The following BMPR2 variants were observed in gnomAD, a reference collection of about 807,000 sequenced individuals.
BMPR2 encodes the protein bone morphogenetic protein receptor type-2.
Under a neutral mutation model 100.8 loss-of-function variants are expected in BMPR2, and 29 were observed. That is an observed-to-expected ratio of 0.29 (90% CI 0.21 to 0.39). The LOEUF (loss-of-function observed/expected upper bound fraction) is 0.39. BMPR2 is among the 10% of genes least tolerant of loss of function. The probability of loss-of-function intolerance (pLI) is 1.00; values close to 1 mark genes in which losing one functional copy is unlikely to be tolerated. For missense variants in BMPR2, 1,011 were observed against 1,274.5 expected, an observed-to-expected ratio of 0.79 and a Z score of 3.15; for synonymous variants, 382 against 442.3, an observed-to-expected ratio of 0.86 and a Z score of 1.71.
At chr2:202,398,258 A>C (rs1411962162) in intron 1 of BMPR2, among the ~76,000 whole-genome samples, 1 of 152,188 alleles carries the variant, frequency 6.6e-6, no homozygotes, top group East Asian at 1.9e-4. Context: ...GTTCAATGAG[A>C]TATCAATTGA....
chr2:202,433,029 G>A lies in BMPR2; in HGVS notation c.77-31780G>A, dbSNP rs988182359. Among the ~76,000 whole-genome samples the A allele has an allele frequency of 3.3e-5, 5 of 150,312 alleles. 1 individual carries two copies. The highest frequency in any genetic ancestry group is 1.3e-4 in the African/African-American group (5 of 39,724). Reference sequence around the variant, plus strand: ...GAGTGTTGCCTTGCCAGATCTAGCCGTAAGCAAGTCCTATATCTAAATTAA... The same window carrying A: ...GAGTGTTGCCTTGCCAGATCTAGCCATAAGCAAGTCCTATATCTAAATTAA... On this transcript the variant is annotated intron_variant, in intron 1 of 12. Transcript: ENST00000374580.
rs551052988 is a variant in BMPR2, at chr2:202,510,291, G to A, written c.419-3428G>A. On this transcript the variant is annotated intron_variant, in intron 3 of 12. Transcript: ENST00000374580. ...AAATTAGCTGGGTGTGGTGGCGCGT[G>A]CCTGTAATCCCGCTACTTAGGAGTC... Among the ~76,000 whole-genome samples the A allele has an allele frequency of 7.9e-5, 12 of 152,294 alleles. No homozygotes were observed. In the East Asian group the frequency reaches 1.7e-3, roughly 22 times the overall value.
At chr2:202,478,885 C>G (rs972240886) in intron 3 of BMPR2, among the ~76,000 whole-genome samples, 4 of 152,076 alleles carry the variant, frequency 2.6e-5, no homozygotes, top group Admixed American at 6.6e-5. Context: ...ATGATTACAC[C>G]ACTGCACTCC....
At chr2:202,519,176 A>G (rs1291647035) in intron 6 of BMPR2, 124 bp downstream of exon 6, 9 of 944,916 alleles carry the variant, frequency 9.5e-6, no homozygotes, top group Non-Finnish European at 8.5e-6. Context: ...AGCCTCGCCA[A>G]CATGGCAAAA....
chr2:202,389,383 T>C (rs1389708233), intron 1 of BMPR2, among the ~76,000 whole-genome samples: 1 of 150,836 alleles, frequency 6.6e-6, no homozygotes, highest in African/African-American at 2.4e-5. Context: ...AAAAATTAGC[T>C]TGGCGTGGTG....
At chr2:202,506,511 T>G (rs1211205717) in intron 3 of BMPR2, among the ~76,000 whole-genome samples, 1 of 152,166 alleles carries the variant, frequency 6.6e-6, no homozygotes, top group Non-Finnish European at 1.5e-5. Context: ...TCATGAGGGC[T>G]CTACCCTCAT....
intron 1 of BMPR2, among the ~76,000 whole-genome samples, chr2:202,411,121 G>A (rs536743694): frequency 2.6e-5 from 4 of 152,130 alleles, no homozygotes; most frequent in African/African-American, 4.8e-5. Context: ...TAAGAAACAC[G>A]GTATTTAAAT....
intron 3 of BMPR2, among the ~76,000 whole-genome samples, chr2:202,490,551 T>C (rs2105981262): frequency 6.6e-6 from 1 of 152,352 alleles, no homozygotes; most frequent in East Asian, 1.9e-4. Flanking sequence ...CTTTTCTCAC[T>C]CTGCTAGCTT....
intron 10 of BMPR2, among the ~76,000 whole-genome samples, chr2:202,545,641 A>G (rs1688363237): frequency 6.7e-6 from 1 of 150,010 alleles, no homozygotes; most frequent in African/African-American, 2.4e-5. Flanking sequence ...GAGACACATT[A>G]TAGTTTCCAT....
intron 7 of BMPR2, among the ~76,000 whole-genome samples, chr2:202,525,528 A>G (rs1032430264): frequency 1.3e-5 from 2 of 152,026 alleles, no homozygotes; most frequent in Admixed American, 6.6e-5. Flanking sequence ...CTCATTGTCC[A>G]TCATGCCAGT....
chr2:202,378,925 T>A (rs1380622548), intron 1 of BMPR2, among the ~76,000 whole-genome samples: 2 of 152,220 alleles, frequency 1.3e-5, no homozygotes, highest in African/African-American at 4.8e-5. Context: ...TATTTGTTAT[T>A]CTTAACCTTT....
chr2:202,409,355 A>G lies in BMPR2; in HGVS notation c.76+31805A>G, dbSNP rs78549177. Among the ~76,000 whole-genome samples, 8 of 152,226 alleles carry G rather than the reference A, an allele frequency of 5.3e-5. No homozygotes were observed. In the East Asian group the frequency reaches 1.5e-3, roughly 29 times the overall value. On this transcript the variant is annotated intron_variant, in intron 1 of 12. Transcript: ENST00000374580. ...AGCAAGACTCTGTCTCAAAATATAT[A>G]TATAAGATTACACATATATTTCAAA...
intron 10 of BMPR2, among the ~76,000 whole-genome samples, 194 bp downstream of exon 10, chr2:202,542,641 T>C (rs1174887865): frequency 3.9e-5 from 6 of 152,186 alleles, no homozygotes; most frequent in Admixed American, 2.6e-4. Context: ...ATTTTGTTTT[T>C]TTCCAAGCTT....
chr2:202,422,207 G>A lies in BMPR2; in HGVS notation c.77-42602G>A, dbSNP rs547019162. Among the ~76,000 whole-genome samples the A allele has an allele frequency of 6.6e-5, 10 of 151,238 alleles. No individual in the cohort carries two copies. The East Asian group carries it at 8.0e-4, about 12-fold the overall frequency. ...CAGGCGTGAGCCACTGCACCCGGCC[G>A]TTAAAGCTTGCTTTAGTAAGCAGAA... is the stretch of plus-strand genomic sequence containing the variant. On this transcript the variant is annotated intron_variant, in intron 1 of 12. Coordinates refer to ENST00000374580, the MANE Select transcript of BMPR2 (RefSeq NM_001204.7).
At chr2:202,459,913 T>G (rs921336995) in intron 1 of BMPR2, among the ~76,000 whole-genome samples, 11 of 151,982 alleles carry the variant, frequency 7.2e-5, no homozygotes, top group African/African-American at 2.7e-4. Flanking sequence ...TTAAACAAAT[T>G]TACAAGAAGA....
rs540038377 is a variant in BMPR2, at chr2:202,393,478, G to A, written c.76+15928G>A. 9.1e-4 allele frequency among the ~76,000 whole-genome samples: 139 copies of A among 151,924 alleles called. 1 individual carries two copies. Among genetic ancestry groups the A allele is most frequent in the African/African-American group, 3.2e-3 (131 of 41,412 alleles). ...AATTTAAAAATATATATATTTTTTT[G>A]TAGGGACAGGTCTCGCCATGTTGCC... On this transcript the variant is annotated intron_variant, in intron 1 of 12. Transcript: ENST00000374580.
chr2:202,478,486 C>A (rs1692592488), intron 3 of BMPR2, among the ~76,000 whole-genome samples: 1 of 152,152 alleles, frequency 6.6e-6, no homozygotes, highest in Non-Finnish European at 1.5e-5. Flanking sequence ...GTGGCATGTG[C>A]CCGTACTTCC....
chr2:202,417,395 C>T (rs753769318), intron 1 of BMPR2, among the ~76,000 whole-genome samples: 12 of 151,922 alleles, frequency 7.9e-5, no homozygotes, highest in Admixed American at 3.9e-4. Flanking sequence ...CTCCGCCTTC[C>T]GGGTTCGAGC....
chr2:202,388,134 T>C (rs1393820112), intron 1 of BMPR2, among the ~76,000 whole-genome samples: 2 of 152,008 alleles, frequency 1.3e-5, no homozygotes, highest in Non-Finnish European at 2.9e-5. Context: ...CGGTGGCTCA[T>C]GTCTGTAATC....
Sources: allele counts gnomAD v4.1 joint callset (sites outside exome capture counted in the v4.1 genomes callset), GRCh38; gene constraint gnomAD v4.1.1; transcripts MANE v1.5; gene names NCBI Gene and HGNC (gene_info 2026-07-23, HGNC 2026-07-21).